The following CLIP1 variants were observed in gnomAD, a reference collection of about 807,000 sequenced individuals.
CLIP1 encodes CAP-Gly domain containing linker protein 1, also known as CAP-Gly domain-containing linker protein 1.
Under a neutral mutation model 161.6 loss-of-function variants are expected in CLIP1, and 66 were observed. The ratio of observed to expected loss-of-function variants is 0.41; its 90% CI spans 0.33 to 0.50. The LOEUF (loss-of-function observed/expected upper bound fraction) is 0.50. CLIP1 is among the 20% of genes least tolerant of loss of function. CLIP1 has a pLI of 0.27. For synonymous variants in CLIP1, 598 were observed against 626.2 expected (o/e 0.96, Z 0.67); for missense variants, 1,376 against 1,702.0 (o/e 0.81, Z 3.37).
At chr12:122,337,304 T>G (rs958130582) in intron 11 of CLIP1, among the ~76,000 whole-genome samples, 6 of 151,614 alleles carry the variant, frequency 4.0e-5, no homozygotes, top group African/African-American at 1.5e-4. Flanking sequence ...AAAAATTAAC[T>G]GGGCATGGTG....
rs370209626 is a variant in CLIP1, at chr12:122,358,483, T to C, written c.1005+2476A>G. Among the ~76,000 whole-genome samples, 10 of 149,262 alleles carry C rather than the reference T, an allele frequency of 6.7e-5. No homozygotes were observed. The East Asian group carries it at 1.8e-3, about 26-fold the overall frequency. ...AAAAAAAAAACCACTTGTTGAAATA[T>C]TGAGTTAGATATGGAAGGGGGCAGT... On this transcript the variant is annotated intron_variant, in intron 5 of 25. Transcript: ENST00000620786.
At chr12:122,284,031 T>C (rs780508236) in intron 21 of CLIP1, among the ~76,000 whole-genome samples, 2 of 152,190 alleles carry the variant, frequency 1.3e-5, no homozygotes, top group South Asian at 2.1e-4. Context: ...ATTACACGCA[T>C]AGGCCTACAT....
chr12:122,380,280 A>G (rs1954958556), intron 2 of CLIP1, 88 bp downstream of exon 2: 3 of 809,160 alleles, frequency 3.7e-6, no homozygotes, highest in South Asian at 4.0e-5. Flanking sequence ...TTTCAAGAAT[A>G]TGAACAGATA....
Position 122,377,587 on chromosome 12 carries a change from C to A in CLIP1, c.459G>T (p.Thr153=), listed in dbSNP as rs763183995. ...AGGGGGAGGAAGACACCATGCTGGC[C>A]GTAGAAGTGCACAGCGGTGAAGTAG... ...SRATSPLCTS[T]ASMVSSSPST... Residue 153 remains threonine (T), a synonymous_variant, in exon 3 of 26, where the codon ACG becomes ACT. Coordinates refer to ENST00000620786, the MANE Select transcript of CLIP1 (RefSeq NM_001247997.2). The A allele has an allele frequency of 1.2e-6, 2 of 1,613,850 alleles. No individual in the cohort carries two copies. The highest frequency in any genetic ancestry group is 1.1e-5 in the South Asian group (1 of 91,066).
Position 122,377,533 on chromosome 12 carries a change from T to G in CLIP1, c.513A>C (p.Pro171=). 6.2e-7 allele frequency: 1 copy of G among 1,613,910 alleles called. No homozygotes were observed. The highest frequency in any genetic ancestry group is 8.5e-7 in the Non-Finnish European group (1 of 1,180,004). ...PSTPSNIPQK[P]SQPAAKEPSA... ...AAGGTTCCTTTGCTGCTGGCTGTGATGGTTTCTGAGGGATGTTTGAAGGGG... is the reference window on the plus strand; with the variant it reads ...AAGGTTCCTTTGCTGCTGGCTGTGAGGGTTTCTGAGGGATGTTTGAAGGGG... The change falls in exon 3 of 26, where the codon CCA becomes CCC. Residue 171 remains proline, a synonymous_variant. Coordinates refer to ENST00000620786, the MANE Select transcript of CLIP1 (RefSeq NM_001247997.2).
At chr12:122,274,256 G>A (rs1407418700) in intron 24 of CLIP1, 94 bp from the exon 25 acceptor site, 15 of 1,099,862 alleles carry the variant, frequency 1.4e-5, no homozygotes, top group South Asian at 2.7e-5. Context: ...AAGCTCTGGC[G>A]GCAAAGTGTG....
At chr12:122,416,244 TG>T (rs1956752801) in intron 1 of CLIP1, among the ~76,000 whole-genome samples, 1 of 152,076 alleles carries the variant, frequency 6.6e-6, no homozygotes, top group Admixed American at 6.6e-5. Flanking sequence ...TGAACAGTCC[TG>T]AACAGATGGA....
intron 5 of CLIP1, among the ~76,000 whole-genome samples, chr12:122,356,804 GT>G (rs1371281876): frequency 6.6e-6 from 1 of 152,204 alleles, no homozygotes; most frequent in Non-Finnish European, 1.5e-5. Context: ...CGCCTGACTG[GT>G]TTTCGTATTT....
At chr12:122,390,321 A>AT (rs1220781083) in intron 1 of CLIP1, among the ~76,000 whole-genome samples, 13 of 121,132 alleles carry the variant, frequency 1.1e-4, no homozygotes, top group African/African-American at 1.6e-4. Context: ...TATATATATT[A>AT]TTTTTTTTTT....
In CLIP1 at chr12:122,341,296, C is replaced by T. The variant is rs1324836054; in HGVS notation, c.1908G>A (p.Gln636=). The change falls in exon 11 of 26, where the codon CAG becomes CAA. Residue 636 remains glutamine, a synonymous_variant. Transcript: ENST00000620786. ...KLETAIASHQ[Q]AMEELKVSFS... ...AAGATACCTTCAGTTCTTCCATCGC[C>T]TGCTGGTGGGATGCGATGGCAGTCT... The T allele has an allele frequency of 6.2e-7, 1 of 1,613,856 alleles. No individual in the cohort carries two copies. The highest frequency in any genetic ancestry group is 1.3e-5 in the African/African-American group (1 of 74,922).
rs56949793 is a variant in CLIP1, at chr12:122,306,998, C to CTTTTTTTTT, written c.3594+2755_3594+2763dup. ...TATCTGTGTATCCTTGGTAAGTTCA[C>CTTTTTTTTT]TTTTTTTTTTTTTTTTTTTTTTTTT... is the stretch of plus-strand genomic sequence containing the variant. On this transcript the variant is annotated intron_variant, in intron 20 of 25. Transcript: ENST00000620786. Among the ~76,000 whole-genome samples the CTTTTTTTTT allele has an allele frequency of 3.6e-4, 29 of 81,000 alleles. 5 individuals carry two copies. Among genetic ancestry groups the CTTTTTTTTT allele is most frequent in the Non-Finnish European group, 5.5e-4 (25 of 45,552 alleles). The allele number at this position is 81,000 out of a possible 152,430, so 53.1% of individuals were successfully genotyped here.
At chr12:122,297,362 C>T (rs935008171) in intron 20 of CLIP1, among the ~76,000 whole-genome samples, 2 of 152,098 alleles carry the variant, frequency 1.3e-5, no homozygotes, top group African/African-American at 4.8e-5. Context: ...AGAGGAGAAG[C>T]GCCTCTCTGT....
intron 1 of CLIP1, among the ~76,000 whole-genome samples, chr12:122,394,552 T>C (rs1199760538): frequency 7.6e-6 from 1 of 131,142 alleles, no homozygotes; most frequent in East Asian, 2.5e-4. Flanking sequence ...GCACCCAGAA[T>C]ACAGAAACAC....
chr12:122,378,951 C>T (rs1954871739), intron 2 of CLIP1, among the ~76,000 whole-genome samples: 1 of 151,974 alleles, frequency 6.6e-6, no homozygotes. Context: ...TGTGGAGAAA[C>T]CCCATCTCTA....
intron 21 of CLIP1, among the ~76,000 whole-genome samples, chr12:122,283,554 G>A (rs1460660688): frequency 6.6e-6 from 1 of 150,950 alleles, no homozygotes; most frequent in African/African-American, 2.4e-5. Flanking sequence ...CGCCTCCTGA[G>A]TTCAAGCAAC....
chr12:122,312,663 C>T (rs182081778), intron 19 of CLIP1, among the ~76,000 whole-genome samples: 1 of 152,118 alleles, frequency 6.6e-6, no homozygotes, highest in Admixed American at 6.5e-5. Flanking sequence ...ACTTGGGAGG[C>T]TGGGGTGGCA....
intron 2 of CLIP1, among the ~76,000 whole-genome samples, chr12:122,379,012 C>T (rs1298123268): frequency 1.3e-5 from 2 of 152,046 alleles, no homozygotes; most frequent in Admixed American, 6.6e-5. Context: ...GTAGTCCCAG[C>T]TACTCGGGAG....
At chr12:122,284,072 G>T (rs1955752224) in intron 21 of CLIP1, among the ~76,000 whole-genome samples, 1 of 152,112 alleles carries the variant, frequency 6.6e-6, no homozygotes, top group African/African-American at 2.4e-5. Context: ...AGTTTTAGAA[G>T]GCAATGAAGG....
chr12:122,401,040 TAGC>T (rs1956125273), intron 1 of CLIP1, among the ~76,000 whole-genome samples: 2 of 151,970 alleles, frequency 1.3e-5, no homozygotes, highest in Admixed American at 1.3e-4. Flanking sequence ...GCCTCCCAAG[TAGC>T]TGGGATTACA....
Sources: allele counts gnomAD v4.1 joint callset (sites outside exome capture counted in the v4.1 genomes callset), GRCh38; gene constraint gnomAD v4.1.1; transcripts MANE v1.5; gene names NCBI Gene and HGNC (gene_info 2026-07-23, HGNC 2026-07-21).